The following UXS1 variants were observed in gnomAD, a reference collection of about 807,000 sequenced individuals.
The protein encoded by UXS1 is UDP-glucuronate decarboxylase 1.
Under a neutral mutation model 62.6 loss-of-function variants are expected in UXS1, and 33 were observed. The ratio of observed to expected loss-of-function variants is 0.53; its 90% CI spans 0.40 to 0.70. The LOEUF (loss-of-function observed/expected upper bound fraction) is 0.70. Ranked by LOEUF, UXS1 falls within the 30% of genes least tolerant of loss-of-function variation. The pLI is 0.00. For missense variants in UXS1, 434 were observed against 556.3 expected (o/e 0.78, Z 2.21); for synonymous variants, 213 against 206.8 (o/e 1.03, Z -0.26).
chr2:106,178,031 T>C (rs555197422), intron 1 of UXS1, among the ~76,000 whole-genome samples: 1 of 152,230 alleles, frequency 6.6e-6, no homozygotes, highest in Non-Finnish European at 1.5e-5. Flanking sequence ...AGAACTCCTC[T>C]GTACAAACCT....
chr2:106,103,218 G>T (rs1677739997), intron 11 of UXS1, among the ~76,000 whole-genome samples: 1 of 152,218 alleles, frequency 6.6e-6, no homozygotes, highest in African/African-American at 2.4e-5. Flanking sequence ...AAAAAGAAAA[G>T]TCTCTGAGGC....
chr2:106,137,122 C>T (rs1029189611), intron 6 of UXS1, among the ~76,000 whole-genome samples: 3 of 152,094 alleles, frequency 2.0e-5, no homozygotes, highest in Non-Finnish European at 2.9e-5. Context: ...AATGCAAGTT[C>T]GCTGAGAGGA....
In UXS1 at chr2:106,128,698, T is replaced by C. The variant is rs972183720; in HGVS notation, c.577+976A>G. On this transcript the variant is annotated intron_variant, in intron 7 of 14. Transcript: ENST00000283148. ...TGACCTCCATAATCATGTGAGCCAA[T>C]CTCTCGTAACAAATCTCTTTCTCTA... Among the ~76,000 whole-genome samples the C allele has an allele frequency of 2.2e-4, 34 of 152,174 alleles. 1 individual carries two copies. Among genetic ancestry groups the C allele is most frequent in the African/African-American group, 8.2e-4 (34 of 41,434 alleles).
chr2:106,119,398 C>A (rs1194870485), intron 9 of UXS1, among the ~76,000 whole-genome samples: 2 of 152,148 alleles, frequency 1.3e-5, no homozygotes, highest in Non-Finnish European at 2.9e-5. Context: ...AGTTTTGGAG[C>A]CCATCCTCCC....
At chr2:106,117,172 C>G (rs557727648) in intron 9 of UXS1, among the ~76,000 whole-genome samples, 5 of 152,252 alleles carry the variant, frequency 3.3e-5, no homozygotes, top group African/African-American at 1.2e-4. Context: ...GTGAGTACGC[C>G]CTGTGAGAGG....
intron 12 of UXS1, among the ~76,000 whole-genome samples, chr2:106,100,034 T>C (rs1677465840): frequency 6.6e-6 from 1 of 152,222 alleles, no homozygotes; most frequent in African/African-American, 2.4e-5. Flanking sequence ...ATAGGTCACA[T>C]GGCCAACATT....
At chr2:106,098,825 C>T (rs1376287026) in intron 12 of UXS1, 52 bp from the exon 13 acceptor site, 3 of 1,538,052 alleles carry the variant, frequency 2.0e-6, no homozygotes, top group South Asian at 2.3e-5. Context: ...AGCAGCAATC[C>T]ACCACCCAGA....
intron 9 of UXS1, among the ~76,000 whole-genome samples, chr2:106,118,039 G>A (rs1174693554): frequency 6.6e-6 from 1 of 152,148 alleles, no homozygotes; most frequent in Non-Finnish European, 1.5e-5. Context: ...TCTGCAGCAG[G>A]CCAGGAGGGG....
At chr2:106,140,989 C>T (rs1239089446) in intron 6 of UXS1, among the ~76,000 whole-genome samples, 1 of 152,180 alleles carries the variant, frequency 6.6e-6, no homozygotes, top group Non-Finnish European at 1.5e-5. Context: ...GCCAGTGTAC[C>T]ATGAAAATGA....
intron 5 of UXS1, among the ~76,000 whole-genome samples, chr2:106,156,933 G>T (rs1682480600): frequency 6.6e-6 from 1 of 152,122 alleles, no homozygotes; most frequent in Non-Finnish European, 1.5e-5. Flanking sequence ...ATGAAATACT[G>T]ATACAAGCTA....
At chr2:106,113,371 C>A (rs1678781975) in intron 9 of UXS1, among the ~76,000 whole-genome samples, 1 of 152,156 alleles carries the variant, frequency 6.6e-6, no homozygotes, top group African/African-American at 2.4e-5. Context: ...TAGCTAATGG[C>A]CTGGAAAGAG....
intron 5 of UXS1, among the ~76,000 whole-genome samples, chr2:106,147,554 G>A (rs1681672002): frequency 6.6e-6 from 1 of 152,174 alleles, no homozygotes; most frequent in Non-Finnish European, 1.5e-5. Context: ...CTGCACTCCA[G>A]CCTGTGTGAC....
intron 7 of UXS1, among the ~76,000 whole-genome samples, chr2:106,129,065 G>A (rs1281191399): frequency 1.2e-4 from 18 of 152,136 alleles, no homozygotes; most frequent in Admixed American, 1.2e-3. Context: ...ATTACCCACT[G>A]CTATAAATCT....
chr2:106,127,195 C>T (rs1437496791), intron 7 of UXS1, among the ~76,000 whole-genome samples: 1 of 152,202 alleles, frequency 6.6e-6, no homozygotes, highest in Non-Finnish European at 1.5e-5. Context: ...AGTAAAGCTG[C>T]TATGAACATT....
chr2:106,184,559 G>C (rs1035310255), intron 1 of UXS1, among the ~76,000 whole-genome samples: 1 of 152,168 alleles, frequency 6.6e-6, no homozygotes, highest in Admixed American at 6.5e-5. Context: ...AGACACTGGC[G>C]GTGAGGGCTC....
chr2:106,142,160 CCA>C (rs1681162169), intron 6 of UXS1, among the ~76,000 whole-genome samples: 1 of 152,150 alleles, frequency 6.6e-6, no homozygotes, highest in South Asian at 2.1e-4. Flanking sequence ...GTGTGAGCCA[CCA>C]TGCCCAGCCA....
At chr2:106,125,706 G>C in intron 7 of UXS1, 27 bp from the exon 8 acceptor site, 1 of 1,548,334 alleles carries the variant, frequency 6.5e-7, no homozygotes, top group East Asian at 2.4e-5. Flanking sequence ...CATGATAAAA[G>C]AGACTGAATT....
chr2:106,150,931 G>C (rs1003032895), intron 5 of UXS1, among the ~76,000 whole-genome samples: 3 of 152,218 alleles, frequency 2.0e-5, no homozygotes, highest in African/African-American at 7.2e-5. Flanking sequence ...TCAGGCCATG[G>C]AGTCAAGAAA....
chr2:106,112,166 G>C (rs143228758), intron 10 of UXS1, among the ~76,000 whole-genome samples: 183 of 152,352 alleles, frequency 1.2e-3, no homozygotes, highest in Non-Finnish European at 2.0e-3. Context: ...TGGGACCTCT[G>C]CTGGCTCCAG....
Sources: allele counts gnomAD v4.1 joint callset (sites outside exome capture counted in the v4.1 genomes callset), GRCh38; gene constraint gnomAD v4.1.1; transcripts MANE v1.5; gene names NCBI Gene and HGNC (gene_info 2026-07-23, HGNC 2026-07-21).